DNAH5: variants seen among roughly 807,000 people sequenced by gnomAD.
DNAH5 encodes the protein axonemal beta dynein heavy chain 5.
A neutral mutation model predicts 518.2 loss-of-function variants in DNAH5; 372 were observed. That is an observed-to-expected ratio of 0.72 (90% CI 0.66 to 0.78). The LOEUF is 0.78. DNAH5 is among the 30% of genes least tolerant of loss of function. The pLI, the probability that DNAH5 is intolerant of heterozygous loss-of-function variation, is 0.00. For synonymous variants in DNAH5, 2,039 were observed against 2,025.9 expected (o/e 1.01, Z -0.17); for missense variants, 5,523 against 5,687.0 (o/e 0.97, Z 0.93).
intron 51 of DNAH5, among the ~76,000 whole-genome samples, chr5:13,787,210 A>C (rs1240227356): frequency 1.3e-5 from 2 of 152,134 alleles, no homozygotes; most frequent in Admixed American, 6.6e-5. Flanking sequence ...TTTCAAAAAA[A>C]AAAAAAAGGA....
chr5:13,721,709 A>C (rs1056205509), intron 70 of DNAH5, among the ~76,000 whole-genome samples: 1 of 152,188 alleles, frequency 6.6e-6, no homozygotes, highest in Non-Finnish European at 1.5e-5. Context: ...TGAATGAATG[A>C]ATTAGTTTTT....
Position 13,862,680 on chromosome 5 carries a change from C to T in DNAH5, c.4664G>A (p.Trp1555Ter), listed in dbSNP as rs752620318. 6.2e-7 allele frequency: 1 copy of T among 1,613,982 alleles called. No homozygotes were observed. Among genetic ancestry groups the T allele is most frequent in the Non-Finnish European group, 8.5e-7 (1 of 1,179,948 alleles). ...GCCGAAGGTGAATGTTTTATTGTCC[C>T]ATTCATTAATCACTTGCTTCAGCTT... is the stretch of plus-strand genomic sequence containing the variant. ...EQKLKQVINE[W>*]DNKTFTFGSF... Residue 1555 changes from tryptophan to a stop codon, truncating the protein, a stop_gained, in exon 29 of 79, where the codon TGG (tryptophan) becomes TAG (stop). Coordinates refer to ENST00000265104, the MANE Select transcript of DNAH5 (RefSeq NM_001369.3). LOFTEE classifies it high-confidence loss of function.
rs375008729 is a variant in DNAH5, at chr5:13,829,741, A to G, written c.6250-37T>C. 3.8e-6 allele frequency: 6 copies of G among 1,568,222 alleles called. No individual in the cohort carries two copies. The African/African-American group carries it at 4.1e-5, about 11-fold the overall frequency. ...ATAAAGCCCAAGGATGAATGATGCAATCAAGCACACATCAGCATCATATTA... is the reference window on the plus strand; with the variant it reads ...ATAAAGCCCAAGGATGAATGATGCAGTCAAGCACACATCAGCATCATATTA... On this transcript the variant is annotated intron_variant, in intron 37 of 78. Coordinates refer to ENST00000265104, the MANE Select transcript of DNAH5 (RefSeq NM_001369.3).
Position 13,814,688 on chromosome 5 carries a change from C to T in DNAH5, c.7147G>A (p.Asp2383Asn), listed in dbSNP as rs749527777. Residue 2383 changes from aspartate (D) to asparagine (N), a missense_variant, in exon 43 of 79, where the codon GAC becomes AAC. Physicochemically the swap from Asp to Asn is conservative, Grantham distance 23. Coordinates refer to ENST00000265104, the MANE Select transcript of DNAH5 (RefSeq NM_001369.3). ...CKIIFEPHNIDNASPATVSRN... is the reference protein window; with the variant it reads ...CKIIFEPHNINNASPATVSRN... ...GAGACGGTGGCAGGAGAAGCATTGT[C>T]AATGTTATGAGGCTCGAAAATGATC... is the stretch of plus-strand genomic sequence containing the variant. 1 of 1,614,034 alleles carries T rather than the reference C, an allele frequency of 6.2e-7. No individual in the cohort carries two copies. The highest frequency in any genetic ancestry group is 1.7e-5 in the Admixed American group (1 of 60,018).
chr5:13,928,274 T>C (rs1214836450), intron 2 of DNAH5, 96 bp from the exon 3 acceptor site: 5 of 845,490 alleles, frequency 5.9e-6, no homozygotes, highest in Non-Finnish European at 9.8e-6. Flanking sequence ...AAATTTACTG[T>C]CATCTTTCTT....
Position 13,817,600 on chromosome 5 carries a change from CCAGT to C in DNAH5, c.6932_6935del (p.Asp2311GlyfsTer14), listed in dbSNP as rs1554062097. On this transcript the variant is annotated frameshift_variant, in exon 42 of 79. Coordinates refer to ENST00000265104, the MANE Select transcript of DNAH5 (RefSeq NM_001369.3). LOFTEE classifies it high-confidence loss of function. ...AAAGCGTAGAAAATATCCCATCAGTCCAGTCATTTGTGGCAACGTCCAGCCGACC... is the reference window on the plus strand; with the variant it reads ...AAAGCGTAGAAAATATCCCATCAGTCCATTTGTGGCAACGTCCAGCCGACC... The C allele has an allele frequency of 4.3e-6, 7 of 1,614,176 alleles. No homozygotes were observed. The highest frequency in any genetic ancestry group is 5.9e-6 in the Non-Finnish European group (7 of 1,180,012).
Position 13,833,856 on chromosome 5 carries a change from T to C in DNAH5, c.5883-3081A>G, listed in dbSNP as rs527861057. On this transcript the variant is annotated intron_variant, in intron 35 of 78. Coordinates refer to ENST00000265104, the MANE Select transcript of DNAH5 (RefSeq NM_001369.3). ...TGGAGAAAAGTGCTGTATGTTATCA[T>C]ATTATAATAGCTATTTTATCATCTG... 2.6e-5 allele frequency among the ~76,000 whole-genome samples: 4 copies of C among 152,352 alleles called. No homozygotes were observed. The East Asian group carries it at 7.7e-4, about 29-fold the overall frequency.
intron 66 of DNAH5, among the ~76,000 whole-genome samples, chr5:13,736,749 T>C (rs1386943093): frequency 6.6e-6 from 1 of 152,022 alleles, no homozygotes; most frequent in Non-Finnish European, 1.5e-5. Context: ...AGAGGAATAA[T>C]AAAATACTAA....
At chr5:13,793,833 A>T in intron 48 of DNAH5, 103 bp downstream of exon 48, 2 of 1,551,184 alleles carry the variant, frequency 1.3e-6, no homozygotes, top group Non-Finnish European at 1.8e-6. Context: ...TTCAGAAATT[A>T]TATCTTGAAA....
At chr5:13,973,284 C>G (rs1273733533) in intron 1 of DNAH5, among the ~76,000 whole-genome samples, 2 of 152,202 alleles carry the variant, frequency 1.3e-5, no homozygotes, top group Non-Finnish European at 2.9e-5. Flanking sequence ...GAATGACTGC[C>G]AGCATTTTGA....
intron 52 of DNAH5, 102 bp from the exon 53 acceptor site, chr5:13,781,061 G>T: frequency 1.5e-6 from 2 of 1,332,054 alleles, no homozygotes; most frequent in South Asian, 1.3e-5. Flanking sequence ...TATTTTGGAA[G>T]ATATAGGTGT....
intron 65 of DNAH5, among the ~76,000 whole-genome samples, chr5:13,744,073 A>C (rs945952351): frequency 6.6e-6 from 1 of 152,086 alleles, no homozygotes; most frequent in African/African-American, 2.4e-5. Context: ...CAAGATATGG[A>C]ATTAACCTAG....
chr5:13,890,040 A>G (rs1772978149), intron 17 of DNAH5, among the ~76,000 whole-genome samples: 1 of 152,228 alleles, frequency 6.6e-6, no homozygotes, highest in Non-Finnish European at 1.5e-5. Flanking sequence ...CACTGCTCCC[A>G]GGAGCTTACT....
At chr5:13,816,486 G>A (rs1761454256) in intron 42 of DNAH5, among the ~76,000 whole-genome samples, 1 of 150,036 alleles carries the variant, frequency 6.7e-6, no homozygotes, top group Non-Finnish European at 1.5e-5. Context: ...CAAGTAAAAT[G>A]GTGATCTAAT....
chr5:13,909,400 T>A (rs1487693610), intron 12 of DNAH5, among the ~76,000 whole-genome samples: 2 of 152,164 alleles, frequency 1.3e-5, no homozygotes, highest in East Asian at 3.8e-4. Context: ...TATTGTACTA[T>A]ACTCACCTAT....
intron 1 of DNAH5, among the ~76,000 whole-genome samples, chr5:13,974,806 C>A (rs1379376249): frequency 6.6e-6 from 1 of 152,166 alleles, no homozygotes; most frequent in African/African-American, 2.4e-5. Flanking sequence ...TCCACTACTA[C>A]CACCGCTACT....
chr5:13,885,949 T>G lies in DNAH5; in HGVS notation c.2743+15A>C. 1 of 1,609,936 alleles carries G rather than the reference T, an allele frequency of 6.2e-7. No homozygotes were observed. Among genetic ancestry groups the G allele is most frequent in the Non-Finnish European group, 8.5e-7 (1 of 1,177,928 alleles). Reference sequence around the variant, plus strand: ...TCATAGAAAAACAAGACCCTTTCATTACCCCATCTCTTACCTGAACTTTCA... The same window carrying G: ...TCATAGAAAAACAAGACCCTTTCATGACCCCATCTCTTACCTGAACTTTCA... On this transcript the variant is annotated intron_variant, in intron 18 of 78. Coordinates refer to ENST00000265104, the MANE Select transcript of DNAH5 (RefSeq NM_001369.3).
chr5:13,885,272 G>A, intron 18 of DNAH5, 44 bp from the exon 19 acceptor site: 1 of 1,605,720 alleles, frequency 6.2e-7, no homozygotes, highest in Non-Finnish European at 8.5e-7. Context: ...AAGTTAGATG[G>A]ATGGATGGAT....
intron 1 of DNAH5, among the ~76,000 whole-genome samples, chr5:13,953,855 C>T (rs1196597161): frequency 6.6e-6 from 1 of 152,112 alleles, no homozygotes; most frequent in Non-Finnish European, 1.5e-5. Flanking sequence ...TTACAGGCGC[C>T]TGCCACCACG....
Sources: allele counts gnomAD v4.1 joint callset (sites outside exome capture counted in the v4.1 genomes callset), GRCh38; gene constraint gnomAD v4.1.1; transcripts MANE v1.5; gene names NCBI Gene and HGNC (gene_info 2026-07-23, HGNC 2026-07-21).